Variants in PTPRD observed in about 807,000 individuals in gnomAD.
The protein encoded by PTPRD is protein tyrosine phosphatase receptor type D.
A neutral mutation model predicts 214.5 loss-of-function variants in PTPRD; 34 were observed. That is an observed-to-expected ratio of 0.16 (90% confidence interval 0.12 to 0.21). The LOEUF is 0.21. Ranked by LOEUF, PTPRD falls within the 10% of genes least tolerant of loss-of-function variation. The pLI is 1.00. For synonymous variants in PTPRD, 1,128 were observed against 845.7 expected (o/e 1.33, Z -5.79); for missense variants, 2,545 against 2,398.7 (o/e 1.06, Z -1.27).
chr9:8,479,060 T>C (rs1189257502), intron 30 of PTPRD, among the ~76,000 whole-genome samples: 1 of 152,188 alleles, frequency 6.6e-6, no homozygotes, highest in Non-Finnish European at 1.5e-5. Flanking sequence ...CTTCCTCACA[T>C]TTTTTCTAAT....
At chr9:8,488,466 A>G (rs1416893514) in intron 27 of PTPRD, among the ~76,000 whole-genome samples, 4 of 152,212 alleles carry the variant, frequency 2.6e-5, no homozygotes, top group African/African-American at 9.6e-5. Flanking sequence ...TATATAAAAC[A>G]TGTGTGTTGT....
chr9:9,866,031 C>T (rs1438364913), intron 5 of PTPRD, among the ~76,000 whole-genome samples: 1 of 152,194 alleles, frequency 6.6e-6, no homozygotes, highest in African/African-American at 2.4e-5. Context: ...CATTCTCGTA[C>T]ACTTGCCTTC....
At chr9:9,969,708 T>C (rs1281952746) in intron 4 of PTPRD, among the ~76,000 whole-genome samples, 3 of 152,266 alleles carry the variant, frequency 2.0e-5, no homozygotes, top group Admixed American at 1.3e-4. Flanking sequence ...CTGATCAACC[T>C]TGAATAGAAA....
intron 8 of PTPRD, among the ~76,000 whole-genome samples, chr9:9,502,243 T>G (rs1392007044): frequency 1.3e-5 from 2 of 151,878 alleles, no homozygotes; most frequent in Non-Finnish European, 2.9e-5. Flanking sequence ...TAACTGAAAC[T>G]TTTTACCCTT....
intron 3 of PTPRD, among the ~76,000 whole-genome samples, chr9:10,130,949 A>T (rs990101554): frequency 6.6e-6 from 1 of 152,124 alleles, no homozygotes; most frequent in African/African-American, 2.4e-5. Flanking sequence ...GGAGCACAGA[A>T]CATTCAGAAA....
At chr9:9,150,532 C>G (rs948305823) in intron 10 of PTPRD, among the ~76,000 whole-genome samples, 1 of 150,120 alleles carries the variant, frequency 6.7e-6, no homozygotes, top group Admixed American at 6.7e-5. Context: ...CTATGTCACC[C>G]AGACTGGAGT....
At chr9:9,758,567 C>G (rs2098612771) in intron 6 of PTPRD, among the ~76,000 whole-genome samples, 1 of 152,162 alleles carries the variant, frequency 6.6e-6, no homozygotes, top group South Asian at 2.1e-4. Context: ...AAAGATAGAA[C>G]AGTGGCTACA....
rs1414612335 is a variant in PTPRD, at chr9:9,952,745, A to AGGTTAG, written c.-471-14136_-471-14135insCTAACC. Among the ~76,000 whole-genome samples the AGGTTAG allele has an allele frequency of 7.9e-5, 12 of 152,300 alleles. No individual in the cohort carries two copies. The East Asian group carries it at 1.2e-3, about 15-fold the overall frequency. ...TAAAAGATGGTTAGAACTAGGGTTT[A>AGGTTAG]AACACTGAAGATAGAGTACCTGTAA... is the stretch of plus-strand genomic sequence containing the variant. On this transcript the variant is annotated intron_variant, in intron 4 of 45. Coordinates refer to ENST00000381196, the MANE Select transcript of PTPRD (RefSeq NM_002839.4).
chr9:9,908,558 G>C (rs971164641), intron 5 of PTPRD, among the ~76,000 whole-genome samples: 19 of 152,030 alleles, frequency 1.2e-4, no homozygotes, highest in African/African-American at 4.6e-4. Context: ...TCAAATGATA[G>C]TCCACAGATA....
chr9:9,199,379 G>A (rs1432310998), intron 9 of PTPRD, among the ~76,000 whole-genome samples: 1 of 152,148 alleles, frequency 6.6e-6, no homozygotes, highest in Non-Finnish European at 1.5e-5. Context: ...AATCTCTAAT[G>A]CAATTGCTGT....
chr9:8,531,372 T>G (rs917679767), intron 14 of PTPRD, among the ~76,000 whole-genome samples: 2 of 152,074 alleles, frequency 1.3e-5, no homozygotes, highest in Non-Finnish European at 2.9e-5. Flanking sequence ...GTTCTGATGT[T>G]GCTGGGGGGA....
At chr9:9,439,249 T>G (rs1256935546) in intron 8 of PTPRD, among the ~76,000 whole-genome samples, 1 of 152,090 alleles carries the variant, frequency 6.6e-6, no homozygotes, top group Non-Finnish European at 1.5e-5. Context: ...GTGAGTACTC[T>G]CCCACAAATA....
intron 4 of PTPRD, among the ~76,000 whole-genome samples, chr9:9,954,312 A>AAACAAAC (rs1367001333): frequency 0.011 from 1,620 of 148,642 alleles, 22 homozygotes; most frequent in Non-Finnish European, 0.018. Flanking sequence ...AAAAAAAAAA[A>AAACAAAC]AAAAAAAAAA....
At chr9:10,170,515 G>C (rs1185139272) in intron 3 of PTPRD, among the ~76,000 whole-genome samples, 2 of 151,948 alleles carry the variant, frequency 1.3e-5, no homozygotes, top group Non-Finnish European at 2.9e-5. Context: ...GTGAAACCCC[G>C]TCTCTACTAA....
chr9:8,534,828 C>T (rs2076547078), intron 14 of PTPRD, among the ~76,000 whole-genome samples: 1 of 151,476 alleles, frequency 6.6e-6, no homozygotes, highest in Non-Finnish European at 1.5e-5. Flanking sequence ...AATAAGGTGG[C>T]CAAATAGATA....
chr9:8,982,926 C>T (rs1231360356), intron 11 of PTPRD, among the ~76,000 whole-genome samples: 3 of 151,982 alleles, frequency 2.0e-5, no homozygotes. Flanking sequence ...AATGTGGTCT[C>T]TCTGCATAGG....
chr9:10,100,767 T>C (rs567091963), intron 3 of PTPRD, among the ~76,000 whole-genome samples: 1 of 151,798 alleles, frequency 6.6e-6, no homozygotes, highest in South Asian at 2.1e-4. Flanking sequence ...ACATGCATTG[T>C]CTTACTTTAC....
chr9:9,677,389 C>T (rs1347399926), intron 7 of PTPRD, among the ~76,000 whole-genome samples: 1 of 152,034 alleles, frequency 6.6e-6, no homozygotes, highest in Non-Finnish European at 1.5e-5. Flanking sequence ...TGGGCTTCAT[C>T]CCTGGGATGC....
intron 5 of PTPRD, among the ~76,000 whole-genome samples, chr9:9,843,551 G>T (rs2058809993): frequency 6.6e-6 from 1 of 151,694 alleles, no homozygotes. Context: ...TCCCAAATTT[G>T]CAAAATGAGC....
Sources: allele counts gnomAD v4.1 joint callset (sites outside exome capture counted in the v4.1 genomes callset), GRCh38; gene constraint gnomAD v4.1.1; transcripts MANE v1.5; gene names NCBI Gene and HGNC (gene_info 2026-07-23, HGNC 2026-07-21).